DNAH2: variants seen among roughly 807,000 people sequenced by gnomAD.
The protein encoded by DNAH2 is dynein axonemal heavy chain 2.
Under a neutral mutation model 523.5 loss-of-function variants are expected in DNAH2, and 323 were observed. The ratio of observed to expected loss-of-function variants is 0.62; its 90% CI spans 0.56 to 0.68. The LOEUF is 0.68. Among genes scored for constraint, DNAH2 ranks in the 30% least tolerant of loss-of-function variants. The pLI, the probability that DNAH2 is intolerant of heterozygous loss-of-function variation, is 0.00. For missense variants in DNAH2, 4,907 were observed against 5,701.5 expected (o/e 0.86, Z 4.49); for synonymous variants, 2,093 against 2,177.4 (o/e 0.96, Z 1.08).
chr17:7,804,904 C>A, intron 59 of DNAH2, 54 bp from the exon 60 acceptor site: 1 of 1,477,026 alleles, frequency 6.8e-7, no homozygotes, highest in South Asian at 1.2e-5. Context: ...CACCGTCACT[C>A]CCACCTTTGC....
At chr17:7,830,161 G>GCC in intron 77 of DNAH2, 139 bp from the exon 78 acceptor site, 1 of 804,080 alleles carries the variant, frequency 1.2e-6, no homozygotes, top group South Asian at 2.1e-5. Flanking sequence ...GTAGATCAAC[G>GCC]GCTACATTTC....
chr17:7,752,046 C>T (rs2075698613), intron 12 of DNAH2, among the ~76,000 whole-genome samples: 1 of 151,348 alleles, frequency 6.6e-6, no homozygotes, highest in Non-Finnish European at 1.5e-5. Flanking sequence ...TATTGATCCT[C>T]TTCCGCCTCA....
rs1205298343 is a variant in DNAH2, at chr17:7,765,406, G to C, written c.3352G>C (p.Asp1118His). ...ACTCCCCCAGGTCCTGGAGATGCTGGACAGTCTCAACGGGGAGTGGGTTGT... is the reference window on the plus strand; with the variant it reads ...ACTCCCCCAGGTCCTGGAGATGCTGCACAGTCTCAACGGGGAGTGGGTTGT... ...PVEDSVLEMLDSLNGEWVVFQ... is the reference protein window; with the variant it reads ...PVEDSVLEMLHSLNGEWVVFQ... Residue 1118 changes from aspartate to histidine, a missense_variant, in exon 21 of 86, where the codon GAC becomes CAC. This residue lies in a region of DNAH2 where 2,806 missense variants were observed against 3,190.8 expected (regional missense o/e 0.88). Transcript: ENST00000572933. 2 of 1,613,640 alleles carry C rather than the reference G, an allele frequency of 1.2e-6. No homozygotes were observed. Among genetic ancestry groups the C allele is most frequent in the Non-Finnish European group, 1.7e-6 (2 of 1,179,710 alleles).
At position 7,807,554 on chromosome 17, in the gene DNAH2, G is replaced by A. The variant is rs147531463; in HGVS notation, c.9697G>A (p.Ala3233Thr). The A allele has an allele frequency of 2.6e-5, 42 of 1,612,688 alleles. No homozygotes were observed. The highest frequency in any genetic ancestry group is 2.5e-4 in the African/African-American group (19 of 75,052). Residue 3233 changes from alanine to threonine, a missense_variant, in exon 63 of 86, where the codon GCG (alanine) becomes ACG (threonine). Around this residue, in one of 3 missense-constraint regions of DNAH2, gnomAD observed 1,851 missense variants for 2,139.4 expected, o/e 0.87. Transcript: ENST00000572933. This position sits in a 1 kb window ranked among gnomAD's most constrained non-coding sequence, Gnocchi z 5.6. The stretch of plus-strand genomic sequence containing the variant: ...GGCTCAGCTTCGGGAGAAGCAAGCC[G>A]CGCTCGCTGAGGCCCAGGAGAAGCT... Reference protein sequence around the residue: ...ALAQLREKQAALAEAQEKLRE... With the variant: ...ALAQLREKQATLAEAQEKLRE...
chr17:7,740,755 C>T lies in DNAH2; in HGVS notation c.1507-55C>T, dbSNP rs374054234. The T allele has an allele frequency of 2.9e-5, 45 of 1,571,458 alleles. 1 individual carries two copies. The African/African-American group carries it at 3.9e-4, about 14-fold the overall frequency. On this transcript the variant is annotated intron_variant, in intron 10 of 85. Transcript: ENST00000572933. ...GCAGCTTTCCTCTGGGATGAGTGAC[C>T]GGAGGGAACCCGCCTTCCCGGGCAC... is the stretch of plus-strand genomic sequence containing the variant.
At chr17:7,795,836 A>C (rs2151282293) in intron 49 of DNAH2, among the ~76,000 whole-genome samples, 1 of 147,782 alleles carries the variant, frequency 6.8e-6, no homozygotes, top group South Asian at 2.1e-4. Flanking sequence ...GTCTCTACTA[A>C]AAATACAAAA....
rs185710078 is a variant in DNAH2 at position 7,808,947 on chromosome 17, T to G, written c.9729+1361T>G. On this transcript the variant is annotated intron_variant, in intron 63 of 85. Coordinates refer to ENST00000572933, the MANE Select transcript of DNAH2 (RefSeq NM_020877.5). ...TCTTATTTACCTGTGAGTTGAAGAT[T>G]GTTCCTTATCAGTATGTAAAGAGCC... Among the ~76,000 whole-genome samples, 941 of 152,270 alleles carry G rather than the reference T, an allele frequency of 6.2e-3. 14 individuals are homozygous for G. The highest frequency in any genetic ancestry group is 0.021 in the African/African-American group (871 of 41,554).
At position 7,757,217 on chromosome 17, in the gene DNAH2, C is replaced by T. The variant is rs1190853317; in HGVS notation, c.2031C>T (p.Leu677=). Residue 677 remains leucine, a synonymous_variant, in exon 13 of 86, where the codon CTC becomes CTT. Transcript: ENST00000572933. ...GCATTCTGCGTGAAAATCTGCTACTCGTTGCTAGAGACTACAATAGGTAGG... is the reference window on the plus strand; with the variant it reads ...GCATTCTGCGTGAAAATCTGCTACTTGTTGCTAGAGACTACAATAGGTAGG... ...DLRILRENLL[L]VARDYNRIIA... The T allele has an allele frequency of 1.9e-6, 3 of 1,614,010 alleles. No homozygotes were observed. Among genetic ancestry groups the T allele is most frequent in the African/African-American group, 1.3e-5 (1 of 74,916 alleles).
Position 7,754,723 on chromosome 17 carries a change from C to A in DNAH2, c.1905-2368C>A. On this transcript the variant is annotated intron_variant, in intron 12 of 85. Transcript: ENST00000572933. The surrounding 1 kb of genome is among the most constrained non-coding windows in gnomAD (Gnocchi z 4.6). Reference sequence around the variant, plus strand: ...GGGAAGCTTGCTCGTGCCCGCATGGCCAAGGGGCTCAGGCTGTGCCGGCCC... The same window carrying A: ...GGGAAGCTTGCTCGTGCCCGCATGGACAAGGGGCTCAGGCTGTGCCGGCCC... The A allele has an allele frequency of 1.8e-6, 2 of 1,123,008 alleles. No individual in the cohort carries two copies. Among genetic ancestry groups the A allele is most frequent in the Admixed American group, 1.7e-5 (1 of 58,984 alleles). The allele number at this position is 1,123,008 out of a possible 1,614,324, so 69.6% of individuals were successfully genotyped here.
intron 3 of DNAH2, among the ~76,000 whole-genome samples, chr17:7,724,562 G>A (rs2074732643): frequency 1.3e-5 from 2 of 152,106 alleles, no homozygotes; most frequent in East Asian, 1.9e-4. Flanking sequence ...AGGTTGCAGT[G>A]AGCCAAGATC....
chr17:7,757,184 G>A lies in DNAH2; in HGVS notation c.1998G>A (p.Glu666=), dbSNP rs1303695270. The change falls in exon 13 of 86, where the codon GAG becomes GAA. Residue 666 remains glutamate, a synonymous_variant. Coordinates refer to ENST00000572933, the MANE Select transcript of DNAH2 (RefSeq NM_020877.5). ...TGGTGAACGTAGCTGAGCGAGCCGA[G>A]GACCTGCGCATTCTGCGTGAAAATC... ...HYVVNVAERA[E]DLRILRENLL... The A allele has an allele frequency of 1.2e-6, 2 of 1,614,174 alleles. No homozygotes were observed. Among genetic ancestry groups the A allele is most frequent in the Non-Finnish European group, 8.5e-7 (1 of 1,180,028 alleles).
chr17:7,761,796 C>T (rs991334715), intron 18 of DNAH2, among the ~76,000 whole-genome samples: 4 of 151,766 alleles, frequency 2.6e-5, no homozygotes, highest in African/African-American at 4.8e-5. Context: ...AGAAGAAGAT[C>T]TTAATTTCTG....
intron 8 of DNAH2, among the ~76,000 whole-genome samples, chr17:7,738,737 C>T (rs1336565380): frequency 6.6e-6 from 1 of 151,998 alleles, no homozygotes; most frequent in East Asian, 1.9e-4. Flanking sequence ...TGAATCTGCT[C>T]CTAGAACTTA....
In DNAH2 at chr17:7,831,295, G is replaced by A. The variant is rs767618016; in HGVS notation, c.12440G>A (p.Gly4147Asp). 7 of 1,614,006 alleles carry A rather than the reference G, an allele frequency of 4.3e-6. No homozygotes were observed. The Admixed American group carries it at 1.2e-4, about 27-fold the overall frequency. Reference protein sequence around the residue: ...QPQITPTRAGGQTREEKVLEL... With the variant: ...QPQITPTRAGDQTREEKVLEL... ...CAGATTACACCCACCAGGGCTGGAGGCCAGACCCGGGAAGAGAAGGTAAAA... is the reference window on the plus strand; with the variant it reads ...CAGATTACACCCACCAGGGCTGGAGACCAGACCCGGGAAGAGAAGGTAAAA... Residue 4147 changes from glycine (G) to aspartate (D), a missense_variant, in exon 80 of 86, where the codon GGC becomes GAC. Gly to Asp is a moderately conservative substitution (Grantham distance 94). This residue lies in a region of DNAH2 where 1,851 missense variants were observed against 2,139.4 expected (regional missense o/e 0.87). Coordinates refer to ENST00000572933, the MANE Select transcript of DNAH2 (RefSeq NM_020877.5). This position sits in a 1 kb window ranked among gnomAD's most constrained non-coding sequence, Gnocchi z 4.2.
In DNAH2 at chr17:7,750,365, G is replaced by A. The variant is rs2075650174; in HGVS notation, c.1905-6726G>A. 3.3e-5 allele frequency among the ~76,000 whole-genome samples: 5 copies of A among 152,080 alleles called. No homozygotes were observed. In the South Asian group the frequency reaches 1.0e-3, roughly 32 times the overall value. On this transcript the variant is annotated intron_variant, in intron 12 of 85. Coordinates refer to ENST00000572933, the MANE Select transcript of DNAH2 (RefSeq NM_020877.5). ...CTGTCCAGCTGGTGTTGTTTTCAAG[G>A]CCTGTTACAAAGCAGTTACCCCGGG...
chr17:7,797,941 T>C (rs1318277001), intron 53 of DNAH2, 112 bp downstream of exon 53: 1 of 1,466,530 alleles, frequency 6.8e-7, no homozygotes, highest in East Asian at 2.3e-5. Context: ...AAGCTGCCTT[T>C]CTCCCTGGCC....
At position 7,823,523 on chromosome 17, in the gene DNAH2, G is replaced by A. The variant is rs753196816; in HGVS notation, c.11224G>A (p.Asp3742Asn). The change falls in exon 74 of 86, where the codon GAC (aspartate) becomes AAC (asparagine). Residue 3742 changes from aspartate (D) to asparagine (N), a missense_variant. Asp to Asn is a conservative substitution (Grantham distance 23, BLOSUM62 1). This residue lies in a region of DNAH2 where 1,851 missense variants were observed against 2,139.4 expected (regional missense o/e 0.87). Coordinates refer to ENST00000572933, the MANE Select transcript of DNAH2 (RefSeq NM_020877.5). Reference sequence around the variant, plus strand: ...CTACTGGGATAACATCACAGAGCTAGACAAACTGACCAACTTCCACGGACT... The same window carrying A: ...CTACTGGGATAACATCACAGAGCTAAACAAACTGACCAACTTCCACGGACT... ...DAYWDNITEL[D>N]KLTNFHGLMN... The A allele has an allele frequency of 6.2e-7, 1 of 1,614,022 alleles. No individual in the cohort carries two copies. The highest frequency in any genetic ancestry group is 1.3e-5 in the African/African-American group (1 of 74,896).
Position 7,792,066 on chromosome 17 carries a change from T to C in DNAH2, c.7050T>C (p.Asn2350=). The stretch of plus-strand genomic sequence containing the variant: ...GAGAGATCGAGGGCTCCTTTCCCAA[T>C]AAGGTTGGGCGCACACCTGGCTGTC... ...YLREIEGSFP[N]KDTVYEYFVD... The change falls in exon 45 of 86, where the codon AAT becomes AAC. Residue 2350 remains asparagine (N), a synonymous_variant. Transcript: ENST00000572933. 5.0e-6 allele frequency: 8 copies of C among 1,612,994 alleles called. No individual in the cohort carries two copies. Among genetic ancestry groups the C allele is most frequent in the Non-Finnish European group, 6.8e-6 (8 of 1,179,750 alleles).
chr17:7,774,339 G>C (rs1430044800), intron 28 of DNAH2, among the ~76,000 whole-genome samples: 1 of 152,154 alleles, frequency 6.6e-6, no homozygotes, highest in African/African-American at 2.4e-5. Context: ...CTGGGGGACA[G>C]AGCAGGATGG....
Sources: allele counts gnomAD v4.1 joint callset (sites outside exome capture counted in the v4.1 genomes callset), GRCh38; gene constraint gnomAD v4.1.1; regional missense constraint gnomAD v4.1.1; non-coding constraint Gnocchi (gnomAD v3.1); transcripts MANE v1.5; gene names NCBI Gene and HGNC (gene_info 2026-07-23, HGNC 2026-07-21).